Variants in NEB observed in about 807,000 individuals in gnomAD.
NEB encodes nemaline myopathy type 2.
NEB carries 512 observed loss-of-function variants against 952.2 expected under a neutral mutation model. That is an observed-to-expected ratio of 0.54 (90% CI 0.50 to 0.58). The LOEUF is 0.58. Among genes scored for constraint, NEB ranks in the 20% least tolerant of loss-of-function variants. The pLI is 0.00. For missense variants in NEB, 8,428 were observed against 9,231.1 expected, an observed-to-expected ratio of 0.91 and a Z score of 3.56; for synonymous variants, 2,900 against 3,149.8, an observed-to-expected ratio of 0.92 and a Z score of 2.66.
Position 151,614,327 on chromosome 2 carries a change from A to G in NEB, c.11550T>C (p.Pro3850=). ...GAGCCTGAATGACGTCATTCTGATC[A>G]GGCAGGCAGGTCCATTCATGCAGGG... ...KHPLHEWTCL[P]DQNDVIQARK... is the part of the protein sequence containing the mutation. The change falls in exon 77 of 182, where the codon CCT becomes CCC. Residue 3850 remains proline, a synonymous_variant. Coordinates refer to ENST00000397345, the MANE Select transcript of NEB (RefSeq NM_001164508.2). 1 of 1,613,924 alleles carries G rather than the reference A, an allele frequency of 6.2e-7. No individual in the cohort carries two copies. Among genetic ancestry groups the G allele is most frequent in the Non-Finnish European group, 8.5e-7 (1 of 1,179,824 alleles).
intron 148 of NEB, among the ~76,000 whole-genome samples, chr2:151,526,625 T>C (rs1028232021): frequency 2.0e-5 from 3 of 152,160 alleles, no homozygotes; most frequent in Admixed American, 6.5e-5. Flanking sequence ...AAACAAATCA[T>C]GGCGTTTCCA....
intron 16 of NEB, 99 bp downstream of exon 16, chr2:151,697,049 G>T: frequency 3.4e-6 from 3 of 880,126 alleles, no homozygotes; most frequent in Non-Finnish European, 5.2e-6. Flanking sequence ...CGATTGCCTG[G>T]CTTACATTTA....
In NEB at chr2:151,706,811, C is replaced by T. The variant is rs2099708487; in HGVS notation, c.1152+70G>A. ...TTGCAAAGTTATATATTCATTTAGT[C>T]ATTAAAGGAGAAAATTTTCATCTCT... On this transcript the variant is annotated intron_variant, in intron 13 of 181. Coordinates refer to ENST00000397345, the MANE Select transcript of NEB (RefSeq NM_001164508.2). The T allele has an allele frequency of 4.6e-6, 5 of 1,090,694 alleles. No homozygotes were observed. The South Asian group carries it at 7.1e-5, about 15-fold the overall frequency. The allele number at this position is 1,090,694 out of a possible 1,614,324, so 67.6% of individuals were successfully genotyped here.
chr2:151,687,915 A>G lies in NEB; in HGVS notation c.2416-182T>C, dbSNP rs77149626. Among the ~76,000 whole-genome samples, 993 of 152,332 alleles carry G rather than the reference A, an allele frequency of 6.5e-3. 11 individuals carry two copies. The highest frequency in any genetic ancestry group is 0.057 in the East Asian group (294 of 5,182). ...CCAGTTTCTTTCTCCCTACCACTAA[A>G]TAAGTATCAACTACTCTTTTTAATG... On this transcript the variant is annotated intron_variant, in intron 25 of 181. Transcript: ENST00000397345.
chr2:151,570,458 TG>T, intron 108 of NEB, 38 bp downstream of exon 108: 12 of 1,563,984 alleles, frequency 7.7e-6, no homozygotes, highest in Non-Finnish European at 8.7e-6. Flanking sequence ...GGGCATCGGC[TG>T]AAAAAAAAAA....
At position 151,692,082 on chromosome 2, in the gene NEB, T is replaced by G; in HGVS notation, c.2083A>C (p.Lys695Gln). The change falls in exon 22 of 182, where the codon AAA becomes CAA. Residue 695 changes from lysine to glutamine, a missense_variant. By Grantham distance (53) the Lys-to-Gln change is moderately conservative. This residue lies in a region of NEB where 2,851 missense variants were observed against 2,791.5 expected (regional missense o/e 1.02). Coordinates refer to ENST00000397345, the MANE Select transcript of NEB (RefSeq NM_001164508.2). ...MEDPYHTHCM[K>Q]VAAQNSDKSY... ...ACATCACTGTTTTGAGCTGCAACTT[T>G]CATGCAGTGTGTGTGATATGGGTCC... 6 of 1,614,012 alleles carry G rather than the reference T, an allele frequency of 3.7e-6. No homozygotes were observed. The highest frequency in any genetic ancestry group is 4.2e-6 in the Non-Finnish European group (5 of 1,179,860).
intron 17 of NEB, 113 bp downstream of exon 17, chr2:151,696,524 C>G (rs770709287): frequency 1.3e-6 from 1 of 779,546 alleles, no homozygotes; most frequent in East Asian, 2.7e-5. Flanking sequence ...TTTAAACTTG[C>G]TAATACTTAC....
chr2:151,724,812 T>A, intron 7 of NEB, 45 bp downstream of exon 7: 1 of 1,507,072 alleles, frequency 6.6e-7, no homozygotes, highest in Admixed American at 1.7e-5. Context: ...GCAGAGGTGA[T>A]GCACATGCTA....
At chr2:151,651,433 C>T (rs1051074496) in intron 52 of NEB, among the ~76,000 whole-genome samples, 1 of 152,180 alleles carries the variant, frequency 6.6e-6, no homozygotes, top group Non-Finnish European at 1.5e-5. Context: ...ATAATGCAGA[C>T]TAATCCATTA....
At chr2:151,558,562 A>G (rs1264820064) in intron 124 of NEB, among the ~76,000 whole-genome samples, 1 of 152,242 alleles carries the variant, frequency 6.6e-6, no homozygotes, top group Non-Finnish European at 1.5e-5. Flanking sequence ...CTACAAGGCT[A>G]AAGTAATAAA....
intron 15 of NEB, 29 bp downstream of exon 15, chr2:151,697,321 G>GA: frequency 6.2e-7 from 1 of 1,610,316 alleles, no homozygotes; most frequent in Non-Finnish European, 8.5e-7. Flanking sequence ...ATGTTATTTG[G>GA]AAAGTCAAAC....
At chr2:151,521,519 C>T (rs1351397213) in intron 153 of NEB, among the ~76,000 whole-genome samples, 1 of 152,078 alleles carries the variant, frequency 6.6e-6, no homozygotes, top group Non-Finnish European at 1.5e-5. Flanking sequence ...GAGATGTTCC[C>T]AAGAGTTGTG....
rs558345996 is a variant in NEB, at chr2:151,568,407, C to T, written c.17645G>A (p.Arg5882Gln). The T allele has an allele frequency of 4.5e-5, 71 of 1,577,880 alleles. No homozygotes were observed. The South Asian group carries it at 4.7e-4, about 10-fold the overall frequency. The change falls in exon 112 of 182, where the codon CGG becomes CAG. Residue 5882 changes from arginine (R) to glutamine (Q), a missense_variant. By Grantham distance (43) the Arg-to-Gln change is conservative. Around this residue, in one of 11 missense-constraint regions of NEB, gnomAD observed 3,374 missense variants for 3,651.5 expected, o/e 0.92. Coordinates refer to ENST00000397345, the MANE Select transcript of NEB (RefSeq NM_001164508.2). ...TGATTTGGTGGCATTCCAGTCTTTC[C>T]GGTATTTAATCTAAAAAAAAAAAAA... ...SGEILDDIKY[R>Q]KDWNATKSKY...
At chr2:151,658,499 A>G (rs918634735) in intron 47 of NEB, among the ~76,000 whole-genome samples, 9 of 152,192 alleles carry the variant, frequency 5.9e-5, no homozygotes, top group African/African-American at 1.9e-4. Context: ...ACAATTAAAA[A>G]AAAAGGTCAG....
chr2:151,664,657 AT>A (rs768206312), intron 43 of NEB, 49 bp from the exon 44 acceptor site: 1 of 1,546,270 alleles, frequency 6.5e-7, no homozygotes, highest in South Asian at 1.2e-5. Flanking sequence ...TGGGGTTAGA[AT>A]AGAGGTCCTG....
chr2:151,499,207 T>C (rs1447012137), intron 169 of NEB, 91 bp downstream of exon 169: 6 of 639,608 alleles, frequency 9.4e-6, no homozygotes, highest in Non-Finnish European at 1.5e-5. Flanking sequence ...AATTTTTTAT[T>C]GGGATGAGTT....
At chr2:151,666,495 G>T in intron 40 of NEB, 94 bp from the exon 41 acceptor site, 1 of 1,242,488 alleles carries the variant, frequency 8.0e-7, no homozygotes, top group Non-Finnish European at 1.1e-6. Flanking sequence ...GCCAACTTCA[G>T]TCTGAATCTA....
chr2:151,608,552 G>C lies in NEB; in HGVS notation c.12455C>G (p.Pro4152Arg). 1.0e-5 allele frequency: 1 copy of C among 97,758 alleles called. No individual in the cohort carries two copies. The allele number at this position is 97,758 out of a possible 1,614,324, so 6.1% of individuals were successfully genotyped here. A position where few individuals can be genotyped will look rare whatever the true frequency, so the allele number is the denominator to read the frequency against. ...AATGCTGGTGAATGACAAAGCTTCT[G>C]GACGTGTCCTATAGAGTCTTTCATT... ...LVNERLYRTR[P>R]EALSFTSIVD... Residue 4152 changes from proline (P) to arginine (R), a missense_variant, in exon 82 of 182, where the codon CCA becomes CGA. Coordinates refer to ENST00000397345, the MANE Select transcript of NEB (RefSeq NM_001164508.2).
Position 151,531,893 on chromosome 2 carries a change from T to G in NEB, c.21421A>C (p.Lys7141Gln), listed in dbSNP as rs1220618184. 6.5e-7 allele frequency: 1 copy of G among 1,540,380 alleles called. No homozygotes were observed. Among genetic ancestry groups the G allele is most frequent in the East Asian group, 2.3e-5 (1 of 42,840 alleles). Residue 7141 changes from lysine (K) to glutamine (Q), a missense_variant, in exon 144 of 182, where the codon AAA becomes CAA. Around this residue, in one of 11 missense-constraint regions of NEB, gnomAD observed 3,374 missense variants for 3,651.5 expected, o/e 0.92. Coordinates refer to ENST00000397345, the MANE Select transcript of NEB (RefSeq NM_001164508.2). Reference sequence around the variant, plus strand: ...GATTTTTCATAGTTTTTCCTGTATTTGATCTAAATTGTGGAAGAGAAGAAA... The same window carrying G: ...GATTTTTCATAGTTTTTCCTGTATTGGATCTAAATTGTGGAAGAGAAGAAA... ...LYNSHMWSQIKYRKNYEKSKD... is the reference protein window; with the variant it reads ...LYNSHMWSQIQYRKNYEKSKD...
Sources: gnomAD v4.1 joint callset for allele counts (sites outside exome capture counted in the v4.1 genomes callset) on GRCh38, gnomAD v4.1.1 for gene constraint, gnomAD v4.1.1 regional missense constraint, MANE v1.5 for transcripts, NCBI Gene and HGNC (gene_info 2026-07-23, HGNC 2026-07-21) for gene names.